The following OOSP1 variants were observed in gnomAD, a reference collection of about 807,000 sequenced individuals.
The protein encoded by OOSP1 is oocyte secreted protein 1.
OOSP1 carries 11 observed loss-of-function variants against 5.7 expected under a neutral mutation model. That is an observed-to-expected ratio of 1.94 (90% CI 1.22 to 3.20). The LOEUF is 3.20. Among genes scored for constraint, OOSP1 ranks in the 30% most tolerant of loss-of-function variants. OOSP1 has a pLI of 0.00. For synonymous variants in OOSP1, 44 were observed against 20.0 expected, an observed-to-expected ratio of 2.20 and a Z score of -3.20; for missense variants, 83 against 54.1, an observed-to-expected ratio of 1.53 and a Z score of -1.67.
chr11:59,939,483 C>T (rs1470668875), intron 1 of OOSP1, among the ~76,000 whole-genome samples: 1 of 152,132 alleles, frequency 6.6e-6, no homozygotes, highest in Non-Finnish European at 1.5e-5. Flanking sequence ...AACTCCTGGC[C>T]TCAAGTGATC....
intron 3 of OOSP1, among the ~76,000 whole-genome samples, chr11:59,945,659 C>T (rs955609349): frequency 7.2e-6 from 1 of 139,636 alleles, no homozygotes; most frequent in Non-Finnish European, 1.5e-5. Flanking sequence ...CTTGAGGCAG[C>T]AGAATGGCGT....
intron 1 of OOSP1, among the ~76,000 whole-genome samples, chr11:59,940,580 A>G (rs1432148904): frequency 6.6e-6 from 1 of 152,248 alleles, no homozygotes; most frequent in Non-Finnish European, 1.5e-5. Flanking sequence ...TTAGCAGTCC[A>G]GTGAATAAAT....
intron 4 of OOSP1, among the ~76,000 whole-genome samples, chr11:59,954,770 G>A (rs537166416): frequency 6.6e-6 from 1 of 152,126 alleles, no homozygotes; most frequent in African/African-American, 2.4e-5. Flanking sequence ...GTTGGAGGGA[G>A]AAAACTGTAG....
At chr11:59,938,530 G>C in exon 1 of OOSP1, 1 of 552,526 alleles carries the variant, frequency 1.8e-6, no homozygotes, top group Non-Finnish European at 3.3e-6. Context: ...GGACTGGTCA[G>C]GTATAACTTA....
At chr11:59,943,489 G>C (rs1853852127) in intron 2 of OOSP1, among the ~76,000 whole-genome samples, 1 of 152,214 alleles carries the variant, frequency 6.6e-6, no homozygotes, top group African/African-American at 2.4e-5. Context: ...AAGCAGTTAA[G>C]AAAGGAGATG....
intron 4 of OOSP1, among the ~76,000 whole-genome samples, chr11:59,952,989 G>A (rs1853955611): frequency 1.3e-5 from 2 of 152,076 alleles, no homozygotes; most frequent in Admixed American, 1.3e-4. Context: ...GTCTAATGAA[G>A]CTATATTAAT....
exon 2 of OOSP1, chr11:59,942,882 G>T (rs928847815): frequency 8.5e-6 from 6 of 702,490 alleles, no homozygotes; most frequent in African/African-American, 5.2e-5. Context: ...TTGGTTCTTT[G>T]CCAGGATTAA....
intron 4 of OOSP1, among the ~76,000 whole-genome samples, chr11:59,952,551 C>T (rs1304082520): frequency 3.9e-5 from 6 of 152,184 alleles, no homozygotes; most frequent in Admixed American, 3.9e-4. Flanking sequence ...ACTAAAAACC[C>T]TCTGTTCTCA....
At chr11:59,942,052 C>T (rs115407366) in intron 1 of OOSP1, among the ~76,000 whole-genome samples, 2,754 of 152,224 alleles carry the variant, frequency 0.018, 93 homozygotes, top group African/African-American at 0.061. Context: ...TTGGTTTCTC[C>T]GCTGAGTTTT....
At chr11:59,948,666 T>A in intron 4 of OOSP1, 1 of 397,584 alleles carries the variant, frequency 2.5e-6, no homozygotes, top group East Asian at 3.6e-5. Flanking sequence ...ATGTTTACAT[T>A]GGGACGTATA....
chr11:59,942,446 T>C (rs944323760), intron 1 of OOSP1, among the ~76,000 whole-genome samples: 1 of 152,116 alleles, frequency 6.6e-6, no homozygotes, highest in East Asian at 1.9e-4. Flanking sequence ...CTTGCTTCCA[T>C]AGAAATGGAA....
In OOSP1 at chr11:59,952,227, C is replaced by T. The variant is rs545979324; in HGVS notation, c.486+4365C>T. Among the ~76,000 whole-genome samples the T allele has an allele frequency of 3.0e-4, 45 of 152,202 alleles. 1 individual carries two copies. Among genetic ancestry groups the T allele is most frequent in the East Asian group, 1.9e-4 (1 of 5,174 alleles). On this transcript the variant is annotated intron_variant, in intron 4 of 4. Transcript: ENST00000646685. The stretch of plus-strand genomic sequence containing the variant: ...AGGATGCTTAAATATCCTATTTCTT[C>T]AATATGGAGATTCCTTAAAGAGCTA...
At position 59,942,715 on chromosome 11, in the gene OOSP1, T is replaced by G. The variant is rs148129868; in HGVS notation, c.77-132T>G. The G allele has an allele frequency of 5.8e-4, 334 of 576,224 alleles. 1 individual carries two copies. The African/African-American group carries it at 5.9e-3, about 10-fold the overall frequency. 35.7% of individuals were successfully genotyped at this position (576,224 alleles called of 1,614,324 possible). A position where few individuals can be genotyped will look rare whatever the true frequency, so the allele number is the denominator to read the frequency against. On this transcript the variant is annotated intron_variant, in intron 1 of 4. Transcript: ENST00000646685. ...AATTCAGAGACCATGTTTTGCAAACTTGTTCACCTCTTAAGACATTTTGTT... is the reference window on the plus strand; with the variant it reads ...AATTCAGAGACCATGTTTTGCAAACGTGTTCACCTCTTAAGACATTTTGTT...
chr11:59,938,499 C>A, exon 1 of OOSP1: 3 of 627,354 alleles, frequency 4.8e-6, no homozygotes, highest in Non-Finnish European at 5.8e-6. Context: ...ATCTGCATTC[C>A]TTGATATGGA....
At chr11:59,945,411 G>C in intron 3 of OOSP1, 145 bp downstream of exon 3, 1 of 692,190 alleles carries the variant, frequency 1.4e-6, no homozygotes, top group Non-Finnish European at 2.6e-6. Flanking sequence ...CAGATCTCTT[G>C]ATCCTTGGTG....
At chr11:59,942,356 A>G (rs1297224778) in intron 1 of OOSP1, among the ~76,000 whole-genome samples, 1 of 152,202 alleles carries the variant, frequency 6.6e-6, no homozygotes, top group Admixed American at 6.5e-5. Flanking sequence ...CTCAATTTCT[A>G]TAAAAGCCTG....
intron 4 of OOSP1, among the ~76,000 whole-genome samples, chr11:59,950,946 G>A (rs1211198856): frequency 6.6e-6 from 1 of 151,936 alleles, no homozygotes; most frequent in African/African-American, 2.4e-5. Context: ...AGATCCAGAT[G>A]TTTAAGAAAT....
intron 1 of OOSP1, among the ~76,000 whole-genome samples, chr11:59,939,577 CTCCTT>C (rs1175533781): frequency 7.2e-6 from 1 of 139,200 alleles, no homozygotes; most frequent in African/African-American, 2.7e-5. Context: ...TTTTCTTTCT[CTCCTT>C]CTCTCTTTTT....
chr11:59,939,666 C>T (rs962449150), intron 1 of OOSP1, among the ~76,000 whole-genome samples: 1 of 149,470 alleles, frequency 6.7e-6, no homozygotes, highest in South Asian at 2.1e-4. Context: ...CTTTCTCTTC[C>T]TCTTCTCTTC....
Sources: gnomAD v4.1 joint callset for allele counts (sites outside exome capture counted in the v4.1 genomes callset) on GRCh38, gnomAD v4.1.1 for gene constraint, MANE v1.5 for transcripts, NCBI Gene and HGNC (gene_info 2026-07-23, HGNC 2026-07-21) for gene names.